Variants in BTN3A2 observed in about 807,000 individuals in gnomAD.
The protein encoded by BTN3A2 is butyrophilin protein.
In BTN3A2, 25 loss-of-function variants were observed where a neutral mutation model predicts 37.6. The observed-to-expected ratio is 0.66, with a 90% confidence interval of 0.48 to 0.93. The LOEUF (loss-of-function observed/expected upper bound fraction) is 0.93. Ranked by LOEUF, BTN3A2 falls within the 40% of genes least tolerant of loss-of-function variation. BTN3A2 has a pLI of 0.00. For synonymous variants in BTN3A2, 122 were observed against 159.4 expected (o/e 0.77, Z 1.77); for missense variants, 266 against 410.9 (o/e 0.65, Z 3.05).
rs1214223564 is a variant in BTN3A2, at chr6:26,378,039, C to T, written c.*2277C>T. The T allele has an allele frequency of 1.3e-5, 2 of 152,150 alleles. No individual in the cohort carries two copies. Among genetic ancestry groups the T allele is most frequent in the African/African-American group, 2.4e-5 (1 of 41,434 alleles). 9.4% of individuals were successfully genotyped at this position (152,150 alleles called of 1,614,324 possible). On this transcript the variant is annotated 3_prime_UTR_variant, in exon 11 of 11. Transcript: ENST00000377708. Reference sequence around the variant, plus strand: ...CAAGGTTTCCAGGCAGAGCAAATACCCTAGAGATTCTCTGTAATATTGGTA... The same window carrying T: ...CAAGGTTTCCAGGCAGAGCAAATACTCTAGAGATTCTCTGTAATATTGGTA...
In BTN3A2 at chr6:26,373,020, TG is replaced by T. The variant is rs1561807274; in HGVS notation, c.840del (p.Ser281ProfsTer4). 4 of 1,614,238 alleles carry T rather than the reference TG, an allele frequency of 2.5e-6. No individual in the cohort carries two copies. Among genetic ancestry groups the T allele is most frequent in the Non-Finnish European group, 3.4e-6 (4 of 1,180,040 alleles). ...AGACAACAGAAGGAAATAACTGCTCTGTCCAGTGAGATAGAAAGTGAGCAAG... is the reference window on the plus strand; with the variant it reads ...AGACAACAGAAGGAAATAACTGCTCTTCCAGTGAGATAGAAAGTGAGCAAG... ...LWRQQKEITA[L>X]SSEIESEQEM... On this transcript the variant is annotated frameshift_variant, in exon 6 of 11. Transcript: ENST00000377708. LOFTEE classifies it high-confidence loss of function.
intron 5 of BTN3A2, 144 bp from the exon 6 acceptor site, chr6:26,372,753 G>C: frequency 1.0e-6 from 1 of 954,180 alleles, no homozygotes; most frequent in East Asian, 2.6e-5. Flanking sequence ...AGTCCTCTGA[G>C]ACTTTAGGGA....
rs555367981 is a variant in BTN3A2 at position 26,375,481 on chromosome 6, A to C, written c.*35-316A>C. 2.1e-5 allele frequency: 14 copies of C among 671,024 alleles called. 1 individual carries two copies. In the Middle Eastern group the frequency reaches 1.3e-3, roughly 61 times the overall value. 41.6% of individuals were successfully genotyped at this position (671,024 alleles called of 1,614,324 possible). Reference sequence around the variant, plus strand: ...GGAAGCAGGAAATTAAACGGTGTGTATCTCCTTTCTTTCTCCTTCTAATCT... The same window carrying C: ...GGAAGCAGGAAATTAAACGGTGTGTCTCTCCTTTCTTTCTCCTTCTAATCT... On this transcript the variant is annotated intron_variant, in intron 10 of 10. Transcript: ENST00000377708.
At chr6:26,374,858 C>CT in intron 10 of BTN3A2, 60 bp downstream of exon 10, 1 of 1,452,058 alleles carries the variant, frequency 6.9e-7, no homozygotes. Context: ...TTCCTTTTTC[C>CT]TTTTTTCTTC....
Position 26,365,362 on chromosome 6 carries a change from G to A in BTN3A2, c.-67+10G>A, listed in dbSNP as rs971954335. ...ATGGGAATACCAAGGGGTAAGTGCA[G>A]GAAATTGATTAGAGCCTGGGCTACA... On this transcript the variant is annotated intron_variant, in intron 1 of 10. Coordinates refer to ENST00000377708, the MANE Select transcript of BTN3A2 (RefSeq NM_007047.5). 32 of 1,536,098 alleles carry A rather than the reference G, an allele frequency of 2.1e-5. No homozygotes were observed. In the Admixed American group the frequency reaches 6.3e-4, roughly 30 times the overall value.
intron 8 of BTN3A2, 134 bp downstream of exon 8, chr6:26,373,547 T>A: frequency 2.4e-6 from 2 of 851,052 alleles, no homozygotes; most frequent in Non-Finnish European, 3.3e-6. Context: ...AGAAAACAAG[T>A]GTGGCTCTTT....
Position 26,376,661 on chromosome 6 carries a change from T to A in BTN3A2, c.*899T>A. 1 of 1,509,486 alleles carries A rather than the reference T, an allele frequency of 6.6e-7. No individual in the cohort carries two copies. Among genetic ancestry groups the A allele is most frequent in the Non-Finnish European group, 9.2e-7 (1 of 1,086,708 alleles). 93.5% of individuals were successfully genotyped at this position (1,509,486 alleles called of 1,614,324 possible). On this transcript the variant is annotated 3_prime_UTR_variant, in exon 11 of 11. Transcript: ENST00000377708. ...GTGTACAGCGTGCTGAGGAGCCCCA[T>A]GACCTACCAGACAACCCTGAGAGAT... is the stretch of plus-strand genomic sequence containing the variant.
At position 26,369,605 on chromosome 6, in the gene BTN3A2, G is replaced by C. The variant is rs549150522; in HGVS notation, c.433+693G>C. On this transcript the variant is annotated intron_variant, in intron 4 of 10. Coordinates refer to ENST00000377708, the MANE Select transcript of BTN3A2 (RefSeq NM_007047.5). ...CTTATGTAGGAAGAAGGAGACCAGG[G>C]TGAGACAAAAGCTGTAATTGATGAA... Among the ~76,000 whole-genome samples the C allele has an allele frequency of 1.2e-4, 19 of 152,266 alleles. No individual in the cohort carries two copies. In the East Asian group the frequency reaches 3.3e-3, roughly 26 times the overall value.
intron 5 of BTN3A2, among the ~76,000 whole-genome samples, chr6:26,372,032 C>G (rs921526900): frequency 2.6e-5 from 4 of 152,142 alleles, no homozygotes; most frequent in Non-Finnish European, 4.4e-5. Context: ...AGAAACTGTG[C>G]AGATGTTCAC....
Position 26,376,966 on chromosome 6 carries a change from A to G in BTN3A2, c.*1204A>G. The stretch of plus-strand genomic sequence containing the variant: ...GTCATCCTGGACTATGAGACTGGAC[A>G]TATCTCGTTCTACAATGCCACGGAT... On this transcript the variant is annotated 3_prime_UTR_variant, in exon 11 of 11. Coordinates refer to ENST00000377708, the MANE Select transcript of BTN3A2 (RefSeq NM_007047.5). 6.3e-7 allele frequency: 1 copy of G among 1,578,824 alleles called. No homozygotes were observed. The highest frequency in any genetic ancestry group is 8.7e-7 in the Non-Finnish European group (1 of 1,148,736).
rs199552882 is a variant in BTN3A2 at position 26,374,304 on chromosome 6, C to T, written c.965-23C>T. The T allele has an allele frequency of 1.2e-3, 1,853 of 1,598,430 alleles. 6 individuals are homozygous for T. Among genetic ancestry groups the T allele is most frequent in the South Asian group, 3.4e-3 (310 of 90,748 alleles). On this transcript the variant is annotated intron_variant, in intron 8 of 10. Coordinates refer to ENST00000377708, the MANE Select transcript of BTN3A2 (RefSeq NM_007047.5). The stretch of plus-strand genomic sequence containing the variant: ...CAGAAAAGGCAGAGTTCTGGTGACA[C>T]CTCTACCTTTCTTTCATTGTAGGTG...
chr6:26,374,758 T>C lies in BTN3A2; in HGVS notation c.*7-13T>C. On this transcript the variant is annotated splice_polypyrimidine_tract_variant and intron_variant, in intron 9 of 10. Transcript: ENST00000377708. Reference sequence around the variant, plus strand: ...TACTGACCTTTTTCTTATCTGTGTCTCCTTCCTTTCAGAATGGAAAAATGG... The same window carrying C: ...TACTGACCTTTTTCTTATCTGTGTCCCCTTCCTTTCAGAATGGAAAAATGG... 6.5e-7 allele frequency: 1 copy of C among 1,530,994 alleles called. No individual in the cohort carries two copies. The highest frequency in any genetic ancestry group is 9.0e-7 in the Non-Finnish European group (1 of 1,106,566). 94.8% of individuals were successfully genotyped at this position (1,530,994 alleles called of 1,614,324 possible).
At chr6:26,370,200 G>T in intron 4 of BTN3A2, 122 bp from the exon 5 acceptor site, 3 of 1,317,960 alleles carry the variant, frequency 2.3e-6, no homozygotes, top group Non-Finnish European at 3.1e-6. Flanking sequence ...CCACACTTTT[G>T]TAAACAGCTC....
At chr6:26,367,614 G>T (rs1759642409) in intron 1 of BTN3A2, among the ~76,000 whole-genome samples, 1 of 152,204 alleles carries the variant, frequency 6.6e-6, no homozygotes, top group Non-Finnish European at 1.5e-5. Context: ...GATGAGTAAA[G>T]CCTGGTCTTA....
intron 9 of BTN3A2, 108 bp downstream of exon 9, chr6:26,374,481 G>T: frequency 8.1e-7 from 1 of 1,241,072 alleles, no homozygotes; most frequent in Non-Finnish European, 1.2e-6. Flanking sequence ...CTCAATTTCT[G>T]TGTGGTGGGG....
rs1361973999 is a variant in BTN3A2, at chr6:26,377,330, G to T, written c.*1568G>T. 1.5e-6 allele frequency: 1 copy of T among 663,754 alleles called. No homozygotes were observed. The highest frequency in any genetic ancestry group is 2.7e-6 in the Non-Finnish European group (1 of 371,708). 41.1% of individuals were successfully genotyped at this position (663,754 alleles called of 1,614,324 possible). On this transcript the variant is annotated 3_prime_UTR_variant, in exon 11 of 11. Transcript: ENST00000377708. ...CTGATATTCATTCAATTATTCCATA[G>T]GACAGTTGTTTGAGTTTGGTGCCAC...
Position 26,368,231 on chromosome 6 carries a change from T to A in BTN3A2, c.49T>A (p.Ser17Thr). ...LAFLLLNFHV[S>T]LLLVQLLTPC... The stretch of plus-strand genomic sequence containing the variant: ...TTTCCTTCTGCTCAACTTTCATGTC[T>A]CCCTCCTCTTGGTCCAGCTGCTCAC... The change falls in exon 3 of 11, where the codon TCC becomes ACC. Residue 17 changes from serine (S) to threonine (T), a missense_variant. By Grantham distance (58) the Ser-to-Thr change is moderately conservative (BLOSUM62 1). Coordinates refer to ENST00000377708, the MANE Select transcript of BTN3A2 (RefSeq NM_007047.5). The A allele has an allele frequency of 6.2e-7, 1 of 1,614,200 alleles. No homozygotes were observed. The highest frequency in any genetic ancestry group is 1.3e-5 in the African/African-American group (1 of 75,036).
At chr6:26,365,482 G>A in intron 1 of BTN3A2, 130 bp downstream of exon 1, 1 of 519,128 alleles carries the variant, frequency 1.9e-6, no homozygotes, top group Non-Finnish European at 3.3e-6. Flanking sequence ...GCCTGTGTGT[G>A]TGTGTGTGTG....
intron 8 of BTN3A2, 114 bp downstream of exon 8, chr6:26,373,527 A>C: frequency 8.5e-7 from 1 of 1,175,868 alleles, no homozygotes; most frequent in South Asian, 2.0e-5. Context: ...GGATCCCTTT[A>C]CCCAGAAAAA....
Sources: gnomAD v4.1 joint callset for allele counts (sites outside exome capture counted in the v4.1 genomes callset) on GRCh38, gnomAD v4.1.1 for gene constraint, MANE v1.5 for transcripts, NCBI Gene and HGNC (gene_info 2026-07-23, HGNC 2026-07-21) for gene names.